Variants in PIP5K1B observed in about 807,000 individuals in gnomAD.
PIP5K1B encodes the protein phosphatidylinositol-4-phosphate 5-kinase type 1 beta, also known as phosphatidylinositol 4-phosphate 5-kinase type-1 beta.
In PIP5K1B, 42 loss-of-function variants were observed where a neutral mutation model predicts 67.0. The observed-to-expected ratio is 0.63, with a 90% CI of 0.49 to 0.81. The LOEUF (loss-of-function observed/expected upper bound fraction) is 0.81. PIP5K1B is among the 30% of genes least tolerant of loss of function. The pLI is 0.00. For synonymous variants in PIP5K1B, 214 were observed against 231.4 expected (o/e 0.92, Z 0.68); for missense variants, 459 against 646.3 (o/e 0.71, Z 3.14).
At chr9:68,707,773 A>G (rs1220270412) in intron 1 of PIP5K1B, 2 of 152,194 alleles carry the variant, frequency 1.3e-5, no homozygotes, top group Admixed American at 6.5e-5. Context: ...TGGAAACTGC[A>G]ATACACAAAG....
intron 4 of PIP5K1B, among the ~76,000 whole-genome samples, chr9:68,860,895 G>A (rs928190414): frequency 1.3e-5 from 2 of 152,156 alleles, no homozygotes; most frequent in African/African-American, 4.8e-5. Context: ...CGTGTAAGTT[G>A]CTAAACCTTC....
At chr9:68,801,404 G>A (rs546394017) in intron 2 of PIP5K1B, among the ~76,000 whole-genome samples, 6 of 152,210 alleles carry the variant, frequency 3.9e-5, no homozygotes, top group Middle Eastern at 3.4e-3. Context: ...AATTTAAGAA[G>A]TATAGGTTTA....
At chr9:68,921,275 A>G (rs1826387259) in intron 11 of PIP5K1B, among the ~76,000 whole-genome samples, 1 of 152,082 alleles carries the variant, frequency 6.6e-6, no homozygotes, top group Non-Finnish European at 1.5e-5. Context: ...AGTCTTGAAT[A>G]TAGCAAGACC....
chr9:68,833,665 T>C (rs765056433), intron 4 of PIP5K1B, among the ~76,000 whole-genome samples: 1 of 151,396 alleles, frequency 6.6e-6, no homozygotes, highest in Non-Finnish European at 1.5e-5. Context: ...AGACAAAGGT[T>C]GTGGACTAGA....
chr9:68,754,779 G>T (rs1374798092), intron 2 of PIP5K1B, among the ~76,000 whole-genome samples: 1 of 152,082 alleles, frequency 6.6e-6, no homozygotes, highest in Non-Finnish European at 1.5e-5. Context: ...AATAACAGAG[G>T]TTATATGAGG....
intron 4 of PIP5K1B, among the ~76,000 whole-genome samples, chr9:68,860,306 G>T (rs1346192524): frequency 6.6e-6 from 1 of 151,726 alleles, no homozygotes; most frequent in Non-Finnish European, 1.5e-5. Flanking sequence ...CACTATTAAA[G>T]CATTTAATTT....
chr9:68,836,321 A>G (rs1010464194), intron 4 of PIP5K1B, among the ~76,000 whole-genome samples: 1 of 152,204 alleles, frequency 6.6e-6, no homozygotes, highest in South Asian at 2.1e-4. Context: ...ATTTGGATAT[A>G]ACTTTAAGAT....
chr9:68,887,626 G>A (rs1020022075), intron 6 of PIP5K1B, among the ~76,000 whole-genome samples: 10 of 152,206 alleles, frequency 6.6e-5, no homozygotes, highest in Non-Finnish European at 4.4e-5. Context: ...TTAGAAAGAT[G>A]CCTAGTTTCC....
intron 1 of PIP5K1B, among the ~76,000 whole-genome samples, chr9:68,737,800 G>T (rs760829873): frequency 2.2e-4 from 34 of 152,174 alleles, no homozygotes; most frequent in Non-Finnish European, 4.3e-4. Flanking sequence ...TAGGAGTCCA[G>T]AGAAGAGATT....
At chr9:68,838,335 C>T (rs546882873) in intron 4 of PIP5K1B, among the ~76,000 whole-genome samples, 27 of 152,176 alleles carry the variant, frequency 1.8e-4, no homozygotes, top group African/African-American at 6.3e-4. Flanking sequence ...TCAAAGAATT[C>T]TTGTGATAAC....
In PIP5K1B at chr9:69,008,767, T is replaced by C. The variant is rs1303499415; in HGVS notation, c.*318T>C. The stretch of plus-strand genomic sequence containing the variant: ...GGAAGTGCTATTTTCCTATGGACTT[T>C]TGCATTATTTCATTGTGCATGCATC... On this transcript the variant is annotated 3_prime_UTR_variant, in exon 16 of 16. Coordinates refer to ENST00000265382, the MANE Select transcript of PIP5K1B (RefSeq NM_003558.4). The C allele has an allele frequency of 2.3e-5, 7 of 306,828 alleles. No homozygotes were observed. The highest frequency in any genetic ancestry group is 3.8e-5 in the Non-Finnish European group (6 of 159,690). The allele number at this position is 306,828 out of a possible 1,614,324, so 19.0% of individuals were successfully genotyped here.
At chr9:68,741,568 G>GT (rs1411185314) in intron 1 of PIP5K1B, 4 of 152,252 alleles carry the variant, frequency 2.6e-5, no homozygotes, top group Non-Finnish European at 5.9e-5. Flanking sequence ...TGACCAAACA[G>GT]TGTCTCAAAT....
intron 14 of PIP5K1B, among the ~76,000 whole-genome samples, chr9:68,941,296 C>G (rs1827549376): frequency 6.6e-6 from 1 of 152,038 alleles, no homozygotes; most frequent in African/African-American, 2.4e-5. Context: ...ATTAAAGATC[C>G]TGAAATGGGA....
chr9:68,839,360 GA>G (rs1191335948), intron 4 of PIP5K1B, among the ~76,000 whole-genome samples: 1 of 152,168 alleles, frequency 6.6e-6, no homozygotes, highest in Non-Finnish European at 1.5e-5. Flanking sequence ...GTCATTTTAT[GA>G]AGGCCAGGCA....
chr9:68,961,807 C>G (rs539692042), intron 14 of PIP5K1B, among the ~76,000 whole-genome samples: 2 of 152,334 alleles, frequency 1.3e-5, no homozygotes, highest in African/African-American at 4.8e-5. Flanking sequence ...TAGAGACCTT[C>G]TGTTCCACCC....
chr9:68,711,394 T>C (rs560856695), intron 1 of PIP5K1B, among the ~76,000 whole-genome samples: 2 of 152,036 alleles, frequency 1.3e-5, no homozygotes, highest in African/African-American at 4.8e-5. Context: ...CTTGAGGGAG[T>C]AGTAAGCACA....
chr9:69,004,626 A>G (rs770926088), intron 15 of PIP5K1B, among the ~76,000 whole-genome samples: 11 of 152,190 alleles, frequency 7.2e-5, no homozygotes, highest in Non-Finnish European at 1.5e-4. Context: ...CTTTTGGGCA[A>G]TAATGCCCTG....
At chr9:68,816,693 A>G (rs574851241) in intron 2 of PIP5K1B, among the ~76,000 whole-genome samples, 1 of 152,352 alleles carries the variant, frequency 6.6e-6, no homozygotes, top group South Asian at 2.1e-4. Flanking sequence ...GGAAAATATC[A>G]TTAAGTAAAT....
chr9:69,001,359 T>C (rs1830818054), intron 15 of PIP5K1B, among the ~76,000 whole-genome samples: 2 of 152,164 alleles, frequency 1.3e-5, no homozygotes, highest in South Asian at 4.2e-4. Flanking sequence ...CCCCACATTT[T>C]TCAAATGTGG....
Sources: allele counts gnomAD v4.1 joint callset (sites outside exome capture counted in the v4.1 genomes callset), GRCh38; gene constraint gnomAD v4.1.1; transcripts MANE v1.5; gene names NCBI Gene and HGNC (gene_info 2026-07-23, HGNC 2026-07-21).